The following PKP4 variants were observed in gnomAD, a reference collection of about 807,000 sequenced individuals.
PKP4 encodes the protein plakophilin-4.
A neutral mutation model predicts 145.1 loss-of-function variants in PKP4; 90 were observed. The observed-to-expected ratio is 0.62, with a 90% confidence interval of 0.52 to 0.74. The LOEUF (loss-of-function observed/expected upper bound fraction) is 0.74. Ranked by LOEUF, PKP4 falls within the 30% of genes least tolerant of loss-of-function variation. PKP4 has a pLI of 0.00. For missense variants in PKP4, 1,340 were observed against 1,482.7 expected (o/e 0.90, Z 1.58); for synonymous variants, 563 against 577.2 (o/e 0.98, Z 0.35).
chr2:158,538,290 G>T (rs2044230947), intron 2 of PKP4, among the ~76,000 whole-genome samples: 1 of 152,272 alleles, frequency 6.6e-6, no homozygotes, highest in African/African-American at 2.4e-5. Context: ...AGAATACATT[G>T]TAGTTTTATA....
At chr2:158,633,982 G>A in intron 8 of PKP4, 88 bp from the exon 9 acceptor site, 1 of 723,438 alleles carries the variant, frequency 1.4e-6, no homozygotes, top group Admixed American at 2.5e-5. Flanking sequence ...AAAAAATATA[G>A]TCCTTAAAAT....
intron 1 of PKP4, among the ~76,000 whole-genome samples, chr2:158,469,514 G>A (rs188136571): frequency 5.3e-4 from 81 of 152,290 alleles, no homozygotes; most frequent in Non-Finnish European, 1.0e-4. Context: ...TGAAGTCTTC[G>A]TGATTGATAC....
chr2:158,463,690 G>A (rs1320055261), intron 1 of PKP4, among the ~76,000 whole-genome samples: 5 of 152,086 alleles, frequency 3.3e-5, no homozygotes, highest in East Asian at 1.9e-4. Flanking sequence ...CTTACATTTC[G>A]CAACTCTTAG....
intron 8 of PKP4, among the ~76,000 whole-genome samples, chr2:158,633,160 G>A (rs1050215671): frequency 2.0e-5 from 3 of 152,340 alleles, no homozygotes; most frequent in Middle Eastern, 3.4e-3. Context: ...TATATCCATG[G>A]AGAATACGTT....
chr2:158,486,233 G>T (rs184795768), intron 1 of PKP4, among the ~76,000 whole-genome samples: 48 of 152,258 alleles, frequency 3.2e-4, no homozygotes, highest in Middle Eastern at 3.4e-3. Flanking sequence ...GATATAAGGA[G>T]AAAATTGTAT....
chr2:158,577,136 G>T (rs897693760), intron 2 of PKP4, 135 bp from the exon 3 acceptor site: 5 of 517,240 alleles, frequency 9.7e-6, no homozygotes, highest in African/African-American at 2.0e-5. Flanking sequence ...TCCAAAAATT[G>T]CATTTCACAA....
At chr2:158,600,414 A>G (rs2050134695) in intron 3 of PKP4, among the ~76,000 whole-genome samples, 1 of 152,206 alleles carries the variant, frequency 6.6e-6, no homozygotes, top group African/African-American at 2.4e-5. Flanking sequence ...CACAGTGCCT[A>G]CAGACACATT....
At chr2:158,674,071 A>T in intron 19 of PKP4, 71 bp downstream of exon 19, 1 of 886,348 alleles carries the variant, frequency 1.1e-6, no homozygotes, top group South Asian at 1.3e-5. Context: ...GCCAGAGAAG[A>T]TCAAACATAA....
chr2:158,481,681 A>G (rs1559202030), intron 1 of PKP4, among the ~76,000 whole-genome samples: 1 of 152,166 alleles, frequency 6.6e-6, no homozygotes, highest in Non-Finnish European at 1.5e-5. Context: ...GACCATTTGT[A>G]TGTCTTCTTT....
intron 4 of PKP4, among the ~76,000 whole-genome samples, chr2:158,608,197 A>G (rs1255432782): frequency 6.6e-6 from 1 of 152,208 alleles, no homozygotes; most frequent in African/African-American, 2.4e-5. Flanking sequence ...TGTACCCACA[A>G]AAATTTAAAA....
intron 2 of PKP4, among the ~76,000 whole-genome samples, chr2:158,576,974 A>G (rs1339719898): frequency 6.6e-6 from 1 of 152,204 alleles, no homozygotes; most frequent in Non-Finnish European, 1.5e-5. Flanking sequence ...TAACTTTAGT[A>G]AGGCACTGTA....
At chr2:158,671,253 A>T (rs1014671802) in intron 17 of PKP4, among the ~76,000 whole-genome samples, 2 of 152,228 alleles carry the variant, frequency 1.3e-5, no homozygotes, top group African/African-American at 4.8e-5. Flanking sequence ...CTAAAATATA[A>T]GAATAATCTA....
At chr2:158,516,390 A>G (rs1425846438) in intron 1 of PKP4, among the ~76,000 whole-genome samples, 3 of 152,192 alleles carry the variant, frequency 2.0e-5, no homozygotes, top group Non-Finnish European at 4.4e-5. Context: ...TGCTAACCAT[A>G]GGAACCTCAT....
At chr2:158,673,858 GTTTC>G in intron 18 of PKP4, 21 bp from the exon 19 acceptor site, 1 of 1,534,580 alleles carries the variant, frequency 6.5e-7, no homozygotes, top group Non-Finnish European at 9.0e-7. Flanking sequence ...ATTTTGAGAG[GTTTC>G]TTTTTCTCTT....
intron 2 of PKP4, among the ~76,000 whole-genome samples, chr2:158,571,374 A>G (rs1012911213): frequency 6.6e-6 from 1 of 152,176 alleles, no homozygotes; most frequent in African/African-American, 2.4e-5. Context: ...CCTGCTGACA[A>G]TGAGGACAAT....
intron 4 of PKP4, among the ~76,000 whole-genome samples, chr2:158,608,463 G>A (rs372926189): frequency 6.6e-5 from 10 of 151,988 alleles, no homozygotes; most frequent in East Asian, 3.9e-4. Context: ...ATCTCCCCTC[G>A]CCACAGGTGT....
intron 2 of PKP4, among the ~76,000 whole-genome samples, chr2:158,556,977 A>G (rs563391592): frequency 3.9e-5 from 6 of 152,240 alleles, no homozygotes; most frequent in Non-Finnish European, 8.8e-5. Context: ...ATGGGGCTGA[A>G]AGACAGAGTG....
In PKP4 at chr2:158,533,240, A is replaced by G. The variant is rs780810544; in HGVS notation, c.56A>G (p.Gln19Arg). 2.2e-5 allele frequency: 36 copies of G among 1,613,948 alleles called. No individual in the cohort carries two copies. In the East Asian group the frequency reaches 6.7e-4, roughly 30 times the overall value. Residue 19 changes from glutamine (Q) to arginine (R), a missense_variant, in exon 2 of 22, where the codon CAG becomes CGG. Coordinates refer to ENST00000389759, the MANE Select transcript of PKP4 (RefSeq NM_003628.6). ...LVEEGQPQTR[Q>R]EAASTGPGME... ...GAGGAGGGGCAACCACAGACCCGCC[A>G]GGAAGCTGCCTCCACTGGCCCAGGC...
intron 1 of PKP4, among the ~76,000 whole-genome samples, chr2:158,475,163 AAGTT>A (rs1157583441): frequency 6.6e-6 from 1 of 152,162 alleles, no homozygotes; most frequent in Non-Finnish European, 1.5e-5. Flanking sequence ...ACTAGAAGAA[AAGTT>A]AGATACTTTT....
Sources: allele counts gnomAD v4.1 joint callset (sites outside exome capture counted in the v4.1 genomes callset), GRCh38; gene constraint gnomAD v4.1.1; transcripts MANE v1.5; gene names NCBI Gene and HGNC (gene_info 2026-07-23, HGNC 2026-07-21).